The following MAML2 variants were observed in gnomAD, a reference collection of about 807,000 sequenced individuals.
MAML2 encodes the protein mastermind-like protein 2.
A neutral mutation model predicts 96.1 loss-of-function variants in MAML2; 22 were observed. That is an observed-to-expected ratio of 0.23 (90% CI 0.16 to 0.33). MAML2 has a LOEUF of 0.33. Among genes scored for constraint, MAML2 ranks in the 10% least tolerant of loss-of-function variants. The pLI, the probability that MAML2 is intolerant of heterozygous loss-of-function variation, is 1.00. For missense variants in MAML2, 1,367 were observed against 1,392.4 expected, an observed-to-expected ratio of 0.98 and a Z score of 0.29; for synonymous variants, 561 against 521.3, an observed-to-expected ratio of 1.08 and a Z score of -1.04.
chr11:95,981,470 T>C (rs937876142), intron 4 of MAML2, among the ~76,000 whole-genome samples: 5 of 152,132 alleles, frequency 3.3e-5, no homozygotes, highest in Admixed American at 2.6e-4. Flanking sequence ...ACAATGTCAG[T>C]GGATGGGGAG....
chr11:96,290,660 C>T (rs191152394), intron 1 of MAML2, among the ~76,000 whole-genome samples: 1 of 152,274 alleles, frequency 6.6e-6, no homozygotes, highest in East Asian at 1.9e-4. Context: ...ATTTGATATT[C>T]CCCTTTGAAG....
At chr11:96,033,131 TTTACAAAATGGC>T (rs1427635463) in intron 2 of MAML2, among the ~76,000 whole-genome samples, 2 of 152,194 alleles carry the variant, frequency 1.3e-5, no homozygotes, top group Non-Finnish European at 2.9e-5. Context: ...TTAAGCACTT[TTTACAAAATGGC>T]ATGGAATGTG....
At chr11:96,262,213 C>T (rs1862759475) in intron 1 of MAML2, among the ~76,000 whole-genome samples, 1 of 152,108 alleles carries the variant, frequency 6.6e-6, no homozygotes, top group African/African-American at 2.4e-5. Context: ...AAATTGTGTA[C>T]GGTTTTTATG....
At chr11:96,280,374 G>T (rs73531112) in intron 1 of MAML2, among the ~76,000 whole-genome samples, 52 of 152,230 alleles carry the variant, frequency 3.4e-4, no homozygotes, top group African/African-American at 1.1e-3. Context: ...ATGGTAATTT[G>T]TTTCCTGCTG....
intron 1 of MAML2, among the ~76,000 whole-genome samples, chr11:96,298,065 T>A (rs1863327360): frequency 6.6e-6 from 1 of 152,170 alleles, no homozygotes. Context: ...ATCTCCCACT[T>A]CATTCCCCCC....
intron 2 of MAML2, among the ~76,000 whole-genome samples, chr11:96,001,835 T>A (rs1858083001): frequency 6.6e-6 from 1 of 152,162 alleles, no homozygotes; most frequent in South Asian, 2.1e-4. Context: ...CAGTATTATC[T>A]CTCAACACAT....
Position 96,012,553 on chromosome 11 carries a change from C to T in MAML2, c.2140-20830G>A, listed in dbSNP as rs192676908. Among the ~76,000 whole-genome samples the T allele has an allele frequency of 3.4e-4, 52 of 152,262 alleles. 1 individual carries two copies. Among genetic ancestry groups the T allele is most frequent in the Non-Finnish European group, 6.9e-4 (47 of 68,024 alleles). On this transcript the variant is annotated intron_variant, in intron 2 of 4. Transcript: ENST00000524717. ...GAGTCTCTATGTGCACATGTCTTGA[C>T]TTTTATTCTGAGCCTGGCAGACTCT...
chr11:96,103,800 C>T (rs1419832023), intron 1 of MAML2, among the ~76,000 whole-genome samples: 1 of 152,134 alleles, frequency 6.6e-6, no homozygotes, highest in African/African-American at 2.4e-5. Flanking sequence ...CCTCTCTCTG[C>T]CCCACTGTGT....
chr11:96,225,789 G>C (rs1294889136), intron 1 of MAML2, among the ~76,000 whole-genome samples: 1 of 151,814 alleles, frequency 6.6e-6, no homozygotes, highest in African/African-American at 2.4e-5. Flanking sequence ...GCCAAAAATG[G>C]GCCACTGTAC....
chr11:96,095,177 G>A (rs911560746), intron 1 of MAML2, among the ~76,000 whole-genome samples: 4 of 151,990 alleles, frequency 2.6e-5, no homozygotes, highest in Admixed American at 2.6e-4. Flanking sequence ...GTTTGTTCAG[G>A]GCTAGGATCA....
Position 96,340,193 on chromosome 11 carries a change from C to T in MAML2, c.513+1190G>A, listed in dbSNP as rs145064054. On this transcript the variant is annotated intron_variant, in intron 1 of 4. Coordinates refer to ENST00000524717, the MANE Select transcript of MAML2 (RefSeq NM_032427.4). ...CGTCTGGCCAGAGGATGTCCTCTCCCGAGAGCTCAATATCAAGCTCCTTTG... is the reference window on the plus strand; with the variant it reads ...CGTCTGGCCAGAGGATGTCCTCTCCTGAGAGCTCAATATCAAGCTCCTTTG... Among the ~76,000 whole-genome samples the T allele has an allele frequency of 1.9e-3, 283 of 152,312 alleles. 2 individuals are homozygous for T. Among genetic ancestry groups the T allele is most frequent in the Non-Finnish European group, 3.7e-3 (249 of 68,028 alleles).
chr11:96,297,563 C>A (rs1277837751), intron 1 of MAML2, among the ~76,000 whole-genome samples: 1 of 152,062 alleles, frequency 6.6e-6, no homozygotes, highest in Admixed American at 6.6e-5. Flanking sequence ...GCCTGGGCAA[C>A]AGAACGAGAC....
rs1288974726 is a variant in MAML2, at chr11:96,092,056, G to GCTT, written c.1974_1975insAAG (p.Gln658_Gln659insLys). The GCTT allele has an allele frequency of 3.2e-6, 5 of 1,552,084 alleles. No individual in the cohort carries two copies. The highest frequency in any genetic ancestry group is 4.4e-6 in the Non-Finnish European group (5 of 1,147,522). ...GATGGTTGTTGCTGCTGCTGCTGCT[G>GCTT]CTGTTGTTGCTGTTGTTGTTGCTGC... On this transcript the variant is annotated inframe_insertion, in exon 2 of 5. Coordinates refer to ENST00000524717, the MANE Select transcript of MAML2 (RefSeq NM_032427.4). The surrounding 1 kb of genome is among the most constrained non-coding windows in gnomAD (Gnocchi z 4.1).
rs183168997 is a variant in MAML2, at chr11:96,175,409, T to C, written c.514-81892A>G. On this transcript the variant is annotated intron_variant, in intron 1 of 4. Transcript: ENST00000524717. ...CAAAGCAAACCACTGTAGTAGCCCC[T>C]GGCTGCAAAAACCCATAGAGGTACC... 2.2e-3 allele frequency among the ~76,000 whole-genome samples: 332 copies of C among 152,334 alleles called. 2 individuals carry two copies. The highest frequency in any genetic ancestry group is 3.2e-3 in the Non-Finnish European group (218 of 68,028).
chr11:96,012,156 C>G (rs987831202), intron 2 of MAML2, among the ~76,000 whole-genome samples: 2 of 152,124 alleles, frequency 1.3e-5, no homozygotes, highest in African/African-American at 4.8e-5. Context: ...AAACAGAATG[C>G]CCAGAACCTC....
intron 1 of MAML2, among the ~76,000 whole-genome samples, chr11:96,277,517 C>T (rs11603451): frequency 0.014 from 2,103 of 151,942 alleles, 48 homozygotes; most frequent in African/African-American, 0.048. Context: ...TTGGGAGGGC[C>T]GAGGCAGGTG....
chr11:96,115,558 T>C (rs1481734960), intron 1 of MAML2, among the ~76,000 whole-genome samples: 2 of 151,962 alleles, frequency 1.3e-5, no homozygotes, highest in East Asian at 3.9e-4. Flanking sequence ...ATGTGTCTCA[T>C]CTGTTACCTC....
intron 2 of MAML2, among the ~76,000 whole-genome samples, chr11:96,034,805 T>C (rs766970142): frequency 1.2e-4 from 19 of 152,202 alleles, no homozygotes; most frequent in Non-Finnish European, 2.5e-4. Context: ...AGGTCATATT[T>C]TGTCTAGATG....
At chr11:96,191,711 G>T (rs888905125) in intron 1 of MAML2, among the ~76,000 whole-genome samples, 1 of 147,750 alleles carries the variant, frequency 6.8e-6, no homozygotes, top group Admixed American at 6.8e-5. Context: ...GGCGGAGCTT[G>T]CAGTGAGCCG....
Sources: gnomAD v4.1 joint callset for allele counts (sites outside exome capture counted in the v4.1 genomes callset) on GRCh38, gnomAD v4.1.1 for gene constraint, Gnocchi (gnomAD v3.1) non-coding constraint, MANE v1.5 for transcripts, NCBI Gene and HGNC (gene_info 2026-07-23, HGNC 2026-07-21) for gene names.